Variants in BRWD3 observed in about 807,000 individuals in gnomAD.
BRWD3 encodes the protein bromodomain and WD repeat domain containing 3, also known as bromodomain and WD repeat-containing protein 3.
A neutral mutation model predicts 149.7 loss-of-function variants in BRWD3; 10 were observed. The observed-to-expected ratio is 0.07, with a 90% CI of 0.04 to 0.11. The LOEUF is 0.11. Ranked by LOEUF, BRWD3 falls within the 10% of genes least tolerant of loss-of-function variation. The pLI, the probability that BRWD3 is intolerant of heterozygous loss-of-function variation, is 1.00. For synonymous variants in BRWD3, 504 were observed against 456.7 expected (o/e 1.10, Z -1.32); for missense variants, 940 against 1,373.2 (o/e 0.68, Z 4.99).
chrX:80,704,581 T>C (rs1024313533), intron 23 of BRWD3, 97 bp downstream of exon 23: 42 of 842,941 alleles, frequency 5.0e-5, no homozygotes, highest in Non-Finnish European at 5.0e-6. Context: ...TGAAATGTTA[T>C]TTTTAGAGAA....
intron 6 of BRWD3, among the ~76,000 whole-genome samples, chrX:80,780,447 T>G (rs1569285146): frequency 9.0e-6 from 1 of 111,444 alleles, no homozygotes; most frequent in Non-Finnish European, 1.9e-5. Flanking sequence ...AATACTGATT[T>G]CAGAAATGGA....
At chrX:80,781,506 T>A (rs1015781160) in intron 6 of BRWD3, among the ~76,000 whole-genome samples, 3 of 110,971 alleles carry the variant, frequency 2.7e-5, no homozygotes, top group African/African-American at 9.9e-5. Context: ...GTCCCCCCTC[T>A]CAACAAGAAA....
chrX:80,733,980 T>C (rs1355304039), intron 11 of BRWD3, 138 bp downstream of exon 11: 5 of 500,562 alleles, frequency 1.0e-5, no homozygotes, highest in African/African-American at 2.4e-5. Flanking sequence ...ATAGTATGTA[T>C]AGTAGTAATG....
rs1272421252 is a variant in BRWD3 at position 80,719,476 on chromosome X, TA to T, written c.2044+12del. 8.4e-7 allele frequency: 1 copy of T among 1,193,327 alleles called. No homozygotes were observed. The highest frequency in any genetic ancestry group is 1.1e-6 in the Non-Finnish European group (1 of 880,466). On this transcript the variant is annotated intron_variant, in intron 18 of 40. Coordinates refer to ENST00000373275, the MANE Select transcript of BRWD3 (RefSeq NM_153252.5). ...ACATAAACTACACCCTTTACAAGTA[TA>T]AAAATACTTACCACCATTAACAGAG... is the stretch of plus-strand genomic sequence containing the variant.
intron 20 of BRWD3, among the ~76,000 whole-genome samples, chrX:80,715,250 T>G (rs1477438005): frequency 2.7e-5 from 3 of 109,606 alleles, no homozygotes; most frequent in Non-Finnish European, 5.7e-5. Flanking sequence ...GCAAATAAAC[T>G]AACAAAACAA....
At chrX:80,771,597 A>G (rs1443334463) in intron 6 of BRWD3, among the ~76,000 whole-genome samples, 1 of 111,728 alleles carries the variant, frequency 9.0e-6, no homozygotes, top group Non-Finnish European at 1.9e-5. Flanking sequence ...CAATGGTAAC[A>G]AAAGCCAAAA....
intron 4 of BRWD3, among the ~76,000 whole-genome samples, chrX:80,794,038 C>A (rs1388404829): frequency 9.1e-6 from 1 of 110,411 alleles, no homozygotes; most frequent in African/African-American, 3.3e-5. Flanking sequence ...ATTAGCCAGG[C>A]GTGGTGCTGC....
intron 6 of BRWD3, among the ~76,000 whole-genome samples, chrX:80,768,794 TAA>T (rs770992058): frequency 9.1e-6 from 1 of 110,190 alleles, no homozygotes; most frequent in Non-Finnish European, 1.9e-5. Context: ...GCAAATTGTA[TAA>T]AGAGTCAAGA....
intron 8 of BRWD3, among the ~76,000 whole-genome samples, chrX:80,739,441 T>G (rs755770036): frequency 1.8e-5 from 2 of 111,453 alleles, no homozygotes; most frequent in East Asian, 5.6e-4. Context: ...AGATCCTAAA[T>G]GGAGATGGAA....
chrX:80,741,594 T>C lies in BRWD3; in HGVS notation c.813+2438A>G, dbSNP rs1009727199. 6.3e-5 allele frequency among the ~76,000 whole-genome samples: 7 copies of C among 111,924 alleles called. No individual in the cohort carries two copies. The South Asian group carries it at 1.1e-3, about 18-fold the overall frequency. The stretch of plus-strand genomic sequence containing the variant: ...CTGTTGTTTCCTGACTTTTTAATGA[T>C]TGCCATTCTAACTGGTGTGAGATGG... On this transcript the variant is annotated intron_variant, in intron 8 of 40. Coordinates refer to ENST00000373275, the MANE Select transcript of BRWD3 (RefSeq NM_153252.5).
intron 30 of BRWD3, 135 bp downstream of exon 30, chrX:80,691,688 T>C (rs1269569370): frequency 1.3e-5 from 11 of 828,589 alleles, no homozygotes; most frequent in South Asian, 4.6e-5. Context: ...ATATTAAAAC[T>C]AGAATCACTG....
At position 80,670,074 on chromosome X, in the gene BRWD3, A is replaced by C. The variant is rs1379810879; in HGVS notation, c.*6535T>G. Among the ~76,000 whole-genome samples the C allele has an allele frequency of 5.4e-5, 6 of 111,455 alleles. No individual in the cohort carries two copies. Among genetic ancestry groups the C allele is most frequent in the Non-Finnish European group, 1.1e-4 (6 of 53,051 alleles). On this transcript the variant is annotated 3_prime_UTR_variant, in exon 41 of 41. Coordinates refer to ENST00000373275, the MANE Select transcript of BRWD3 (RefSeq NM_153252.5). ...ATAATCTGTAGATAAGAACTTCATTAAGGCAATTGTCACAGATGGCAAAGA... is the reference window on the plus strand; with the variant it reads ...ATAATCTGTAGATAAGAACTTCATTCAGGCAATTGTCACAGATGGCAAAGA...
chrX:80,770,388 A>G (rs1014931595), intron 6 of BRWD3, among the ~76,000 whole-genome samples: 18 of 111,951 alleles, frequency 1.6e-4, no homozygotes, highest in African/African-American at 5.9e-4. Context: ...CAGCACTTCA[A>G]AAAGCTTATA....
At chrX:80,746,341 T>C (rs958901902) in intron 6 of BRWD3, among the ~76,000 whole-genome samples, 3 of 111,267 alleles carry the variant, frequency 2.7e-5, no homozygotes, top group African/African-American at 9.8e-5. Context: ...TAGTTAACAA[T>C]GAACTTTAAA....
intron 21 of BRWD3, 124 bp downstream of exon 21, chrX:80,709,304 C>G (rs1357325983): frequency 3.9e-6 from 2 of 514,118 alleles, no homozygotes; most frequent in Non-Finnish European, 5.9e-6. Context: ...TATTAATGAA[C>G]AAATCTCTTA....
intron 6 of BRWD3, among the ~76,000 whole-genome samples, chrX:80,782,474 T>C (rs12689362): frequency 0.084 from 9,339 of 111,079 alleles, 374 homozygotes; most frequent in South Asian, 0.18. Flanking sequence ...TGTTGACTAA[T>C]ACCCCAAAAG....
intron 4 of BRWD3, among the ~76,000 whole-genome samples, chrX:80,801,385 T>G (rs1256752418): frequency 9.4e-6 from 1 of 106,381 alleles, no homozygotes; most frequent in African/African-American, 3.4e-5. Context: ...CGCGCCTAAT[T>G]TTTTGTATTT....
chrX:80,711,796 G>A (rs1295150285), intron 20 of BRWD3, among the ~76,000 whole-genome samples: 2 of 111,354 alleles, frequency 1.8e-5, no homozygotes, highest in Admixed American at 9.5e-5. Context: ...AACCTCCTCC[G>A]TCACACCCCC....
At chrX:80,743,048 T>C (rs982008396) in intron 8 of BRWD3, among the ~76,000 whole-genome samples, 1 of 111,864 alleles carries the variant, frequency 8.9e-6, no homozygotes, top group African/African-American at 3.3e-5. Flanking sequence ...CAGATAGCTC[T>C]TATTATTTTG....
Sources: allele counts gnomAD v4.1 joint callset (sites outside exome capture counted in the v4.1 genomes callset), GRCh38; gene constraint gnomAD v4.1.1; transcripts MANE v1.5; gene names NCBI Gene and HGNC (gene_info 2026-07-23, HGNC 2026-07-21).